HEMK2: variants seen among roughly 807,000 people sequenced by gnomAD.
The protein encoded by HEMK2 is methyltransferase HEMK2.
At chr21:28,675,725 G>A in the HEMK2 span, among the ~76,000 whole-genome samples, 2 of 152,228 alleles carry the variant, frequency 1.3e-5, no homozygotes, top group Non-Finnish European at 2.9e-5. Context: ...TTTGGGGACT[G>A]AGAACAGAGA....
chr21:28,686,623 A>G, the HEMK2 span, among the ~76,000 whole-genome samples: 1 of 152,222 alleles, frequency 6.6e-6, no homozygotes. Context: ...AAGAAAGCAT[A>G]AAAGAGTTTA....
At chr21:28,683,041 AACTT>A in the HEMK2 span, among the ~76,000 whole-genome samples, 105 of 152,018 alleles carry the variant, frequency 6.9e-4, 1 homozygote, top group South Asian at 7.0e-3. Context: ...TGTACCCTAA[AACTT>A]AAAGTATAAT....
the HEMK2 span, among the ~76,000 whole-genome samples, chr21:28,831,121 G>T: frequency 4.0e-5 from 6 of 151,886 alleles, no homozygotes; most frequent in Non-Finnish European, 4.4e-5. Flanking sequence ...TACGCAAACA[G>T]AAGAAACTTA....
the HEMK2 span, among the ~76,000 whole-genome samples, chr21:28,855,768 G>A: frequency 6.6e-6 from 1 of 152,130 alleles, no homozygotes; most frequent in Non-Finnish European, 1.5e-5. Flanking sequence ...AATGACTTTT[G>A]GGTAAGCAAT....
chr21:28,827,756 C>T, the HEMK2 span, among the ~76,000 whole-genome samples: 1 of 152,176 alleles, frequency 6.6e-6, no homozygotes, highest in African/African-American at 2.4e-5. Flanking sequence ...GTTATAATTG[C>T]ATGCATCTAG....
chr21:28,643,873 G>A, the HEMK2 span, among the ~76,000 whole-genome samples: 3 of 152,342 alleles, frequency 2.0e-5, no homozygotes, highest in Non-Finnish European at 4.4e-5. Context: ...TAGTCATTCA[G>A]GGATGCAGTG....
the HEMK2 span, among the ~76,000 whole-genome samples, chr21:28,666,838 TACTATACAAAAG>T: frequency 6.6e-6 from 1 of 152,158 alleles, no homozygotes; most frequent in Admixed American, 6.6e-5. Context: ...CACTTGGACT[TACTATACAAAAG>T]ACAGAGAAAT....
At chr21:28,658,521 T>C in the HEMK2 span, among the ~76,000 whole-genome samples, 1 of 152,068 alleles carries the variant, frequency 6.6e-6, no homozygotes, top group Non-Finnish European at 1.5e-5. Flanking sequence ...GCAATTGCCA[T>C]GTTGAAGACC....
At chr21:28,603,270 G>T in the HEMK2 span, among the ~76,000 whole-genome samples, 2 of 152,090 alleles carry the variant, frequency 1.3e-5, no homozygotes, top group African/African-American at 4.8e-5. Context: ...TAATCTCAAA[G>T]ATCACTTCTG....
At chr21:28,720,984 A>C in the HEMK2 span, among the ~76,000 whole-genome samples, 2 of 152,184 alleles carry the variant, frequency 1.3e-5, no homozygotes, top group Admixed American at 1.3e-4. Flanking sequence ...TTTACACTTA[A>C]TGTTTGACAG....
chr21:28,696,730 G>T, the HEMK2 span, among the ~76,000 whole-genome samples: 1 of 152,326 alleles, frequency 6.6e-6, no homozygotes, highest in African/African-American at 2.4e-5. Flanking sequence ...TGAGGGCTCT[G>T]CCCCTGGAAC....
the HEMK2 span, among the ~76,000 whole-genome samples, chr21:28,854,751 T>C: frequency 1.4e-4 from 21 of 152,298 alleles, no homozygotes; most frequent in Non-Finnish European, 2.9e-4. Context: ...ACATATATTC[T>C]AGTCACACTG....
the HEMK2 span, among the ~76,000 whole-genome samples, chr21:28,603,932 C>A: frequency 1.3e-5 from 2 of 152,200 alleles, no homozygotes; most frequent in Admixed American, 1.3e-4. Context: ...GCGAGCCATG[C>A]AGGTGGCCTG....
the HEMK2 span, among the ~76,000 whole-genome samples, chr21:28,779,886 A>G: frequency 6.6e-6 from 1 of 151,904 alleles, no homozygotes. Flanking sequence ...TTGTTTTTAA[A>G]AAAAAGCCAT....
chr21:28,850,850 T>G, the HEMK2 span, among the ~76,000 whole-genome samples: 1 of 152,186 alleles, frequency 6.6e-6, no homozygotes, highest in South Asian at 2.1e-4. Context: ...ATCGATTGAT[T>G]ATAGTGAACT....
the HEMK2 span, among the ~76,000 whole-genome samples, chr21:28,664,889 T>C: frequency 1.3e-5 from 2 of 152,198 alleles, no homozygotes; most frequent in African/African-American, 4.8e-5. Flanking sequence ...AAATTAATAT[T>C]TATTATAAGT....
the HEMK2 span, among the ~76,000 whole-genome samples, chr21:28,718,662 T>C: frequency 6.6e-6 from 1 of 152,154 alleles, no homozygotes; most frequent in Non-Finnish European, 1.5e-5. Context: ...AGGAGAGTTA[T>C]GTGAAAACAG....
At chr21:28,611,632 C>T in the HEMK2 span, among the ~76,000 whole-genome samples, 2 of 109,650 alleles carry the variant, frequency 1.8e-5, no homozygotes, top group Non-Finnish European at 4.7e-5. Flanking sequence ...CCTGTAATCC[C>T]AGGAGCAGCT....
the HEMK2 span, among the ~76,000 whole-genome samples, chr21:28,867,579 A>G: frequency 1.3e-5 from 2 of 152,212 alleles, no homozygotes; most frequent in African/African-American, 4.8e-5. Context: ...AGAAAAAAAC[A>G]AGGCTTTTGG....
Sources: allele counts gnomAD v4.1 joint callset (sites outside exome capture counted in the v4.1 genomes callset), GRCh38; gene constraint gnomAD v4.1.1; transcripts MANE v1.5; gene names NCBI Gene and HGNC (gene_info 2026-07-23, HGNC 2026-07-21).